HIVEP3: variants seen among roughly 807,000 people sequenced by gnomAD.
The protein encoded by HIVEP3 is HIVEP zinc finger 3.
A neutral mutation model predicts 152.8 loss-of-function variants in HIVEP3; 49 were observed. That is an observed-to-expected ratio of 0.32 (90% CI 0.26 to 0.41). HIVEP3 has a LOEUF of 0.41. Ranked by LOEUF, HIVEP3 falls within the 10% of genes least tolerant of loss-of-function variation. HIVEP3 has a pLI of 1.00. For synonymous variants in HIVEP3, 1,269 were observed against 1,289.0 expected (o/e 0.98, Z 0.33); for missense variants, 2,790 against 3,103.3 (o/e 0.90, Z 2.40).
chr1:41,609,055 G>A (rs35264252), intron 3 of HIVEP3, among the ~76,000 whole-genome samples: 14,147 of 150,874 alleles, frequency 0.094, 711 homozygotes, highest in Middle Eastern at 0.18. Flanking sequence ...GTGAAACTCC[G>A]TCTCAATAAA....
chr1:41,954,755 T>C (rs1294805307), intron 1 of HIVEP3, among the ~76,000 whole-genome samples: 1 of 152,244 alleles, frequency 6.6e-6, no homozygotes, highest in African/African-American at 2.4e-5. Flanking sequence ...CTACAGGCTG[T>C]GGCCCAGGGC....
intron 1 of HIVEP3, among the ~76,000 whole-genome samples, chr1:41,868,794 G>C (rs1644028461): frequency 6.6e-6 from 1 of 152,140 alleles, no homozygotes; most frequent in African/African-American, 2.4e-5. Context: ...AAGTACACTA[G>C]GCCTTAGCTT....
intron 1 of HIVEP3, among the ~76,000 whole-genome samples, chr1:41,806,405 A>C (rs1293764570): frequency 6.6e-6 from 1 of 152,216 alleles, no homozygotes; most frequent in African/African-American, 2.4e-5. Flanking sequence ...AGCATGTCAC[A>C]GTGGTTGACA....
rs1227071053 is a variant in HIVEP3 at position 41,581,474 on chromosome 1, C to A, written c.3324G>T (p.Arg1108Ser). The A allele has an allele frequency of 1.9e-6, 3 of 1,568,410 alleles. No homozygotes were observed. The highest frequency in any genetic ancestry group is 2.6e-6 in the Non-Finnish European group (3 of 1,159,110). ...AGGGCACAGTGGGCCCCAATGGGGGCCTGTCCTGCCCTGGGCCCTTGCCTC... is the reference window on the plus strand; with the variant it reads ...AGGGCACAGTGGGCCCCAATGGGGGACTGTCCTGCCCTGGGCCCTTGCCTC... ...PPGGKGPGQD[R>S]PPLGPTVPYT... Residue 1108 changes from arginine to serine, a missense_variant, in exon 4 of 9, where the codon AGG becomes AGT. Coordinates refer to ENST00000372583, the MANE Select transcript of HIVEP3 (RefSeq NM_024503.5). The surrounding 1 kb of genome is among the most constrained non-coding windows in gnomAD (Gnocchi z 4.5).
chr1:41,624,803 A>G lies in HIVEP3; in HGVS notation c.-522+3946T>C, dbSNP rs1316069913. ...ATGCCCAGATAATGTTGAACTGAAG[A>G]CCATTCTGTGGCTTTAAGGCAAGCT... On this transcript the variant is annotated intron_variant, in intron 3 of 8. Transcript: ENST00000372583. 2.0e-5 allele frequency among the ~76,000 whole-genome samples: 3 copies of G among 152,154 alleles called. No homozygotes were observed. The East Asian group carries it at 5.8e-4, about 29-fold the overall frequency.
chr1:41,990,425 G>A (rs1356314868), intron 1 of HIVEP3, among the ~76,000 whole-genome samples: 1 of 151,118 alleles, frequency 6.6e-6, no homozygotes, highest in African/African-American at 2.4e-5. Flanking sequence ...TAATGGTAAA[G>A]GGATCAATTC....
chr1:41,725,455 C>T (rs1475616080), intron 1 of HIVEP3, among the ~76,000 whole-genome samples: 1 of 152,222 alleles, frequency 6.6e-6, no homozygotes, highest in East Asian at 1.9e-4. Flanking sequence ...TGCGGACCTA[C>T]CTAATGCAAC....
At chr1:41,968,572 G>A (rs1470844398) in intron 1 of HIVEP3, among the ~76,000 whole-genome samples, 1 of 152,072 alleles carries the variant, frequency 6.6e-6, no homozygotes, top group African/African-American at 2.4e-5. Context: ...AATAGTAAGA[G>A]CCATTTATGA....
At chr1:41,555,322 C>G (rs982317636) in intron 5 of HIVEP3, among the ~76,000 whole-genome samples, 2 of 152,236 alleles carry the variant, frequency 1.3e-5, no homozygotes, top group African/African-American at 4.8e-5. Context: ...ATATAATGTC[C>G]TGGTGTGCCG....
At chr1:41,598,263 C>T (rs1292121385) in intron 3 of HIVEP3, among the ~76,000 whole-genome samples, 8 of 152,236 alleles carry the variant, frequency 5.3e-5, no homozygotes, top group Non-Finnish European at 7.3e-5. Context: ...TTGTCAGTTT[C>T]TGGCAGGTCT....
At chr1:41,950,164 G>A (rs1019780242) in intron 1 of HIVEP3, among the ~76,000 whole-genome samples, 5 of 152,172 alleles carry the variant, frequency 3.3e-5, no homozygotes, top group African/African-American at 9.7e-5. Context: ...GGTAAAGAAA[G>A]CTAGTCATCT....
In HIVEP3 at chr1:41,524,867, G is replaced by A; in HGVS notation, c.5251C>T (p.Arg1751Ter). The change falls in exon 6 of 9, where the codon CGA (arginine) becomes TGA (stop). Residue 1751 changes from arginine to a stop codon, truncating the protein, a stop_gained. Coordinates refer to ENST00000372583, the MANE Select transcript of HIVEP3 (RefSeq NM_024503.5). LOFTEE classifies it high-confidence loss of function. ...CACTCCTCACAAACATATTTCCCTC[G>A]GCCGCGGCCTCGCACATATACATAC... ...EEYVYVRGRGRGKYVCEECGI... is the reference protein window; with the variant it reads ...EEYVYVRGRG 2 of 1,614,096 alleles carry A rather than the reference G, an allele frequency of 1.2e-6. No homozygotes were observed. Among genetic ancestry groups the A allele is most frequent in the Non-Finnish European group, 1.7e-6 (2 of 1,179,994 alleles).
At chr1:42,021,133 T>G (rs1645550845) in intron 1 of HIVEP3, among the ~76,000 whole-genome samples, 1 of 152,196 alleles carries the variant, frequency 6.6e-6, no homozygotes, top group African/African-American at 2.4e-5. Flanking sequence ...TTGAAAAGAC[T>G]GTTCTAACGA....
At chr1:42,032,805 C>T (rs754563957) in intron 1 of HIVEP3, among the ~76,000 whole-genome samples, 22 of 152,282 alleles carry the variant, frequency 1.4e-4, no homozygotes, top group African/African-American at 2.2e-4. Context: ...TCCCCTCATC[C>T]CAGATTCTGG....
intron 1 of HIVEP3, among the ~76,000 whole-genome samples, chr1:41,701,631 G>C (rs1444845752): frequency 1.3e-5 from 2 of 152,136 alleles, no homozygotes; most frequent in Non-Finnish European, 2.9e-5. Flanking sequence ...ACCTCTCTTT[G>C]TATGAAATTA....
At chr1:42,019,930 CA>C (rs1244547709) in intron 1 of HIVEP3, among the ~76,000 whole-genome samples, 1 of 152,066 alleles carries the variant, frequency 6.6e-6, no homozygotes, top group South Asian at 2.1e-4. Flanking sequence ...TGAATTTTAT[CA>C]AATCCTTTTC....
At chr1:41,668,679 G>A (rs1645831159) in intron 2 of HIVEP3, among the ~76,000 whole-genome samples, 1 of 152,022 alleles carries the variant, frequency 6.6e-6, no homozygotes, top group African/African-American at 2.4e-5. Context: ...AATTCTCTTT[G>A]CCTATTTAGT....
chr1:41,529,845 AC>A (rs1250994055), intron 5 of HIVEP3, among the ~76,000 whole-genome samples: 1 of 94,886 alleles, frequency 1.1e-5, no homozygotes, highest in Non-Finnish European at 2.0e-5. Context: ...ATTCACAGTC[AC>A]CCCCACAGTC....
intron 5 of HIVEP3, among the ~76,000 whole-genome samples, chr1:41,574,786 C>T (rs569121746): frequency 1.8e-4 from 27 of 152,302 alleles, no homozygotes; most frequent in Non-Finnish European, 2.8e-4. Flanking sequence ...TGAGACAGAA[C>T]GCCATGGGAC....
Sources: gnomAD v4.1 joint callset for allele counts (sites outside exome capture counted in the v4.1 genomes callset) on GRCh38, gnomAD v4.1.1 for gene constraint, Gnocchi (gnomAD v3.1) non-coding constraint, MANE v1.5 for transcripts, NCBI Gene and HGNC (gene_info 2026-07-23, HGNC 2026-07-21) for gene names.